PSAP: variants seen among roughly 807,000 people sequenced by gnomAD.
PSAP encodes the protein precursor of saposins.
Under a neutral mutation model 66.0 loss-of-function variants are expected in PSAP, and 25 were observed. That is an observed-to-expected ratio of 0.38 (90% confidence interval 0.28 to 0.53). PSAP has a LOEUF of 0.53. PSAP is among the 20% of genes least tolerant of loss of function. The probability of loss-of-function intolerance (pLI) is 0.83; values close to 1 mark genes in which losing one functional copy is unlikely to be tolerated. For synonymous variants in PSAP, 273 were observed against 258.9 expected (o/e 1.05, Z -0.52); for missense variants, 649 against 668.8 (o/e 0.97, Z 0.33).
intron 5 of PSAP, 123 bp downstream of exon 5, chr10:71,828,754 C>G (rs1247319066): frequency 2.9e-6 from 3 of 1,024,868 alleles, no homozygotes; most frequent in African/African-American, 1.6e-5. Context: ...GCTCATGTGA[C>G]TGCAGAGTCA....
At chr10:71,825,985 C>T in intron 6 of PSAP, 92 bp from the exon 7 acceptor site, 2 of 1,049,590 alleles carry the variant, frequency 1.9e-6, no homozygotes, top group Non-Finnish European at 3.0e-6. Context: ...CCAACAGTGT[C>T]AACTGGTGAC....
At chr10:71,842,358 A>AAT (rs1842746486) in intron 1 of PSAP, among the ~76,000 whole-genome samples, 1 of 152,262 alleles carries the variant, frequency 6.6e-6, no homozygotes, top group Non-Finnish European at 1.5e-5. Flanking sequence ...TTTCATTAAA[A>AAT]ATATAATACA....
At chr10:71,846,200 G>A (rs530025684) in intron 1 of PSAP, among the ~76,000 whole-genome samples, 40 of 152,248 alleles carry the variant, frequency 2.6e-4, no homozygotes, top group South Asian at 1.0e-3. Context: ...TGAAATACGG[G>A]AGAGTTTAAG....
intron 7 of PSAP, chr10:71,824,006 G>T: frequency 1.3e-6 from 1 of 753,354 alleles, no homozygotes; most frequent in Non-Finnish European, 2.0e-6. Flanking sequence ...GTGTAAGGAT[G>T]TCCCAAGAGG....
intron 1 of PSAP, among the ~76,000 whole-genome samples, chr10:71,834,854 A>G (rs1283863389): frequency 6.6e-6 from 1 of 152,260 alleles, no homozygotes; most frequent in Non-Finnish European, 1.5e-5. Flanking sequence ...AAAAGAAACC[A>G]TAGGAGAAAA....
rs1409969130 is a variant in PSAP, at chr10:71,819,031, C to T, written c.1431G>A (p.Leu477=). The change falls in exon 12 of 14, where the codon TTG becomes TTA. Residue 477 remains leucine, a splice_region_variant and synonymous_variant. Transcript: ENST00000394936. The stretch of plus-strand genomic sequence containing the variant: ...GACCACACCACCCAGTGAGGCTCAC[C>T]AAGCACACGAAGGAAGGATCCATCA... ...VEVMDPSFVC[L]KIGACPSAHK... 1.2e-6 allele frequency: 2 copies of T among 1,613,866 alleles called. No individual in the cohort carries two copies. The highest frequency in any genetic ancestry group is 2.2e-5 in the East Asian group (1 of 44,882).
rs765156362 is a variant in PSAP, at chr10:71,828,946, G to A, written c.507C>T (p.Ala169=). The part of the protein sequence containing the change: ...IPELDMTEVV[A]PFMANIPLLL... ...GGAGAGGGATGTTGGCCATGAAGGGGGCCACCACCTCAGTCATGTCCAGCT... is the reference window on the plus strand; with the variant it reads ...GGAGAGGGATGTTGGCCATGAAGGGAGCCACCACCTCAGTCATGTCCAGCT... The change falls in exon 5 of 14, where the codon GCC becomes GCT. Residue 169 remains alanine, a synonymous_variant. Coordinates refer to ENST00000394936, the MANE Select transcript of PSAP (RefSeq NM_002778.4). The A allele has an allele frequency of 2.5e-6, 4 of 1,613,986 alleles. No homozygotes were observed. In the African/African-American group the frequency reaches 5.3e-5, roughly 22 times the overall value.
intron 1 of PSAP, among the ~76,000 whole-genome samples, chr10:71,838,956 C>G (rs1842677890): frequency 6.6e-6 from 1 of 152,194 alleles, no homozygotes; most frequent in South Asian, 2.1e-4. Flanking sequence ...GCATTTATAA[C>G]TAATAAATAA....
At chr10:71,818,930 G>A (rs576793903) in intron 12 of PSAP, 101 bp downstream of exon 12, 3 of 1,218,138 alleles carry the variant, frequency 2.5e-6, no homozygotes, top group Non-Finnish European at 3.6e-6. Flanking sequence ...AGAACCCAGA[G>A]ACTCCACCCC....
chr10:71,835,134 C>T (rs1811087), intron 1 of PSAP, among the ~76,000 whole-genome samples: 70,550 of 151,268 alleles, frequency 0.47, 17,264 homozygotes, highest in Middle Eastern at 0.56. Flanking sequence ...TCCAGCTACT[C>T]GGGAGGCTGA....
chr10:71,831,739 C>T, intron 3 of PSAP, 107 bp downstream of exon 3: 1 of 1,126,442 alleles, frequency 8.9e-7, no homozygotes. Context: ...ACATTTGCCA[C>T]CCTCAGGCCT....
At chr10:71,829,329 C>T (rs930833559) in intron 4 of PSAP, among the ~76,000 whole-genome samples, 5 of 152,164 alleles carry the variant, frequency 3.3e-5, no homozygotes, top group Non-Finnish European at 7.3e-5. Flanking sequence ...GTGTCCCCAC[C>T]CAAATCTCAT....
chr10:71,818,799 A>C (rs1564814552), intron 12 of PSAP, 75 bp from the exon 13 acceptor site: 1 of 1,309,616 alleles, frequency 7.6e-7, no homozygotes, highest in Non-Finnish European at 1.1e-6. Context: ...AAACTAAGAA[A>C]ACAGTTTCCA....
chr10:71,826,880 G>A (rs1245864220), intron 6 of PSAP, among the ~76,000 whole-genome samples: 1 of 152,136 alleles, frequency 6.6e-6, no homozygotes, highest in Non-Finnish European at 1.5e-5. Flanking sequence ...CAGTTGTCAG[G>A]TACTAAAAAT....
chr10:71,831,287 C>G (rs752246886), intron 3 of PSAP, 36 bp from the exon 4 acceptor site: 1 of 1,610,782 alleles, frequency 6.2e-7, no homozygotes, highest in East Asian at 2.2e-5. Context: ...TCACGATAGG[C>G]TTTCCTCCCT....
Position 71,851,251 on chromosome 10 carries a change from C to A in PSAP, c.-30G>T, listed in dbSNP as rs781020355. 4.5e-6 allele frequency: 7 copies of A among 1,549,768 alleles called. No individual in the cohort carries two copies. In the Admixed American group the frequency reaches 1.4e-4, roughly 30 times the overall value. ...CCGTCTGACTCCGCAGTCTGCAATG[C>A]GGAGCGTCAGCTGATCCCCCGCAGA... is the stretch of plus-strand genomic sequence containing the variant. On this transcript the variant is annotated 5_prime_UTR_variant, in exon 1 of 14. Coordinates refer to ENST00000394936, the MANE Select transcript of PSAP (RefSeq NM_002778.4).
intron 2 of PSAP, 25 bp downstream of exon 2, chr10:71,834,347 G>T (rs1036453623): frequency 2.5e-6 from 4 of 1,612,894 alleles, no homozygotes; most frequent in Middle Eastern, 3.4e-4. Context: ...TGCTGCGGCT[G>T]GGACTGGAGG....
intron 1 of PSAP, among the ~76,000 whole-genome samples, chr10:71,843,570 G>A (rs1228109047): frequency 6.6e-6 from 1 of 152,206 alleles, no homozygotes; most frequent in Admixed American, 6.5e-5. Flanking sequence ...TTTAAAGGCA[G>A]TATCTGTCCA....
intron 6 of PSAP, among the ~76,000 whole-genome samples, chr10:71,827,761 T>A (rs1381480749): frequency 6.6e-6 from 1 of 151,980 alleles, no homozygotes; most frequent in Non-Finnish European, 1.5e-5. Flanking sequence ...CAAAAAGTAT[T>A]TCTACAGTGT....
Sources: allele counts gnomAD v4.1 joint callset (sites outside exome capture counted in the v4.1 genomes callset), GRCh38; gene constraint gnomAD v4.1.1; transcripts MANE v1.5; gene names NCBI Gene and HGNC (gene_info 2026-07-23, HGNC 2026-07-21).